The following TJP1 variants were observed in gnomAD, a reference collection of about 807,000 sequenced individuals.
TJP1 encodes tight junction protein 1, also known as tight junction protein ZO-1.
Under a neutral mutation model 194.2 loss-of-function variants are expected in TJP1, and 43 were observed. The ratio of observed to expected loss-of-function variants is 0.22; its 90% confidence interval spans 0.17 to 0.29. The LOEUF (loss-of-function observed/expected upper bound fraction) is 0.29. Ranked by LOEUF, TJP1 falls within the 10% of genes least tolerant of loss-of-function variation. The pLI is 1.00. For synonymous variants in TJP1, 801 were observed against 779.0 expected (o/e 1.03, Z -0.47); for missense variants, 1,971 against 2,185.7 (o/e 0.90, Z 1.96).
chr15:29,758,569 G>C (rs2045798497), intron 8 of TJP1, among the ~76,000 whole-genome samples: 1 of 152,162 alleles, frequency 6.6e-6, no homozygotes, highest in East Asian at 1.9e-4. Flanking sequence ...CCCAACATTT[G>C]AGATTTTGAT....
chr15:29,793,570 G>A (rs1169445932), intron 2 of TJP1, among the ~76,000 whole-genome samples: 1 of 152,118 alleles, frequency 6.6e-6, no homozygotes, highest in Non-Finnish European at 1.5e-5. Flanking sequence ...GCATAATCAG[G>A]GCAGAAGGCA....
At chr15:29,730,575 C>T (rs1322796639) in intron 15 of TJP1, 4 of 507,632 alleles carry the variant, frequency 7.9e-6, no homozygotes, top group Non-Finnish European at 1.5e-5. Context: ...CCTGCCTGGG[C>T]AAGAGTGAGA....
At chr15:29,924,777 C>T (rs1158433535) in intron 2 of TJP1, among the ~76,000 whole-genome samples, 1 of 148,624 alleles carries the variant, frequency 6.7e-6, no homozygotes, top group African/African-American at 2.5e-5. Context: ...TGGTTGCTCT[C>T]CTAAACGGAG....
Position 29,732,377 on chromosome 15 carries a change from C to T in TJP1, c.2017+56G>A, listed in dbSNP as rs2151255477. On this transcript the variant is annotated intron_variant, in intron 15 of 27. Coordinates refer to ENST00000614355, the MANE Select transcript of TJP1 (RefSeq NM_001330239.4). ...TATTGAATGAGTGAATCAGAACTCA[C>T]TCACTTTAGAGGTGTAACTCCCAAC... 4.2e-6 allele frequency: 6 copies of T among 1,419,374 alleles called. No individual in the cohort carries two copies. In the South Asian group the frequency reaches 6.0e-5, roughly 14 times the overall value. 87.9% of individuals were successfully genotyped at this position (1,419,374 alleles called of 1,614,324 possible). A position where few individuals can be genotyped will look rare whatever the true frequency, so the allele number is the denominator to read the frequency against.
intron 2 of TJP1, among the ~76,000 whole-genome samples, chr15:29,886,655 T>C (rs988791986): frequency 7.3e-5 from 11 of 149,750 alleles, no homozygotes; most frequent in African/African-American, 2.7e-4. Flanking sequence ...TACCAGATAC[T>C]ACCAGTTTGA....
intron 2 of TJP1, among the ~76,000 whole-genome samples, chr15:29,834,535 T>C (rs2050963038): frequency 6.6e-6 from 1 of 152,256 alleles, no homozygotes; most frequent in African/African-American, 2.4e-5. Context: ...TGTTTTATAC[T>C]ATTTTGCAGT....
chr15:29,844,364 C>T (rs1357742796), intron 2 of TJP1, among the ~76,000 whole-genome samples: 2 of 152,190 alleles, frequency 1.3e-5, no homozygotes, highest in African/African-American at 4.8e-5. Flanking sequence ...CCACTGCACC[C>T]GGCCCACAGT....
intron 1 of TJP1, among the ~76,000 whole-genome samples, chr15:29,801,425 T>C (rs1354484628): frequency 1.3e-5 from 2 of 152,038 alleles, no homozygotes; most frequent in East Asian, 1.9e-4. Flanking sequence ...TTTTACCTCC[T>C]GTCATGAGCC....
intron 2 of TJP1, among the ~76,000 whole-genome samples, chr15:29,773,918 C>G (rs779455387): frequency 1.3e-5 from 2 of 152,090 alleles, no homozygotes; most frequent in Non-Finnish European, 2.9e-5. Context: ...GTAAAATTAC[C>G]TTTTTAAAAA....
intron 2 of TJP1, among the ~76,000 whole-genome samples, chr15:29,833,881 A>ATATATAT (rs1555434000): frequency 1.6e-4 from 2 of 12,616 alleles, no homozygotes; most frequent in South Asian, 4.0e-3. Flanking sequence ...ATATATATAT[A>ATATATAT]TTTTTTTTTT....
At chr15:29,786,405 AC>A (rs1438759745) in intron 2 of TJP1, among the ~76,000 whole-genome samples, 11 of 151,924 alleles carry the variant, frequency 7.2e-5, no homozygotes, top group Middle Eastern at 3.4e-3. Flanking sequence ...CAAATTACCT[AC>A]CCTTTATTTT....
intron 2 of TJP1, among the ~76,000 whole-genome samples, chr15:29,782,620 T>C (rs1307146653): frequency 2.0e-5 from 3 of 152,064 alleles, no homozygotes; most frequent in Non-Finnish European, 4.4e-5. Context: ...AATACCATTC[T>C]GGACATAGGA....
rs895641278 is a variant in TJP1, at chr15:29,753,643, A to ATTCACTGTG, written c.1010+7487_1010+7495dup. Among the ~76,000 whole-genome samples, 15 of 152,246 alleles carry ATTCACTGTG rather than the reference A, an allele frequency of 9.9e-5. No homozygotes were observed. The East Asian group carries it at 2.9e-3, about 29-fold the overall frequency. ...TTTCAACCTTCACTACAGAAGGAAC[A>ATTCACTGTG]TTCACTGTGGTGCCGCCTGTTGATC... On this transcript the variant is annotated intron_variant, in intron 8 of 27. Transcript: ENST00000614355.
chr15:29,945,276 T>C (rs539713050), intron 2 of TJP1, among the ~76,000 whole-genome samples: 1 of 152,334 alleles, frequency 6.6e-6, no homozygotes, highest in African/African-American at 2.4e-5. Context: ...TGTGCCTAAG[T>C]AGGAATTATG....
At chr15:29,958,334 G>A (rs2056025248) in intron 1 of TJP1, among the ~76,000 whole-genome samples, 1 of 150,236 alleles carries the variant, frequency 6.7e-6, no homozygotes, top group South Asian at 2.1e-4. Flanking sequence ...TGGATAAGTA[G>A]CATGTAGCTG....
intron 8 of TJP1, among the ~76,000 whole-genome samples, chr15:29,743,503 A>T (rs1484038556): frequency 6.6e-6 from 1 of 152,204 alleles, no homozygotes; most frequent in African/African-American, 2.4e-5. Flanking sequence ...AGGCAAGAGG[A>T]CTGCTTGAGC....
chr15:29,903,484 G>A (rs1018697920), intron 2 of TJP1, among the ~76,000 whole-genome samples: 3 of 151,406 alleles, frequency 2.0e-5, no homozygotes, highest in Non-Finnish European at 2.9e-5. Context: ...TCGCTCTGTC[G>A]CCCAGGCTGG....
intron 27 of TJP1, among the ~76,000 whole-genome samples, chr15:29,703,829 G>T (rs2041714792): frequency 6.6e-6 from 1 of 152,072 alleles, no homozygotes; most frequent in Non-Finnish European, 1.5e-5. Flanking sequence ...TTTTAGTAGA[G>T]ATGGGGTTTC....
At chr15:29,949,414 C>G in intron 2 of TJP1, among the ~76,000 whole-genome samples, 1 of 138,640 alleles carries the variant, frequency 7.2e-6, no homozygotes. Context: ...CAACCACCAC[C>G]TCTACCTCCA....
Sources: gnomAD v4.1 joint callset for allele counts (sites outside exome capture counted in the v4.1 genomes callset) on GRCh38, gnomAD v4.1.1 for gene constraint, MANE v1.5 for transcripts, NCBI Gene and HGNC (gene_info 2026-07-23, HGNC 2026-07-21) for gene names.